The following PACRGL variants were observed in gnomAD, a reference collection of about 807,000 sequenced individuals.
PACRGL encodes the protein parkin coregulated like.
A neutral mutation model predicts 34.5 loss-of-function variants in PACRGL; 38 were observed. That is an observed-to-expected ratio of 1.10 (90% CI 0.85 to 1.44). The LOEUF is 1.44. PACRGL is among the 40% of genes most tolerant of loss of function. PACRGL has a pLI of 0.00. For synonymous variants in PACRGL, 128 were observed against 100.1 expected (o/e 1.28, Z -1.66); for missense variants, 305 against 281.4 (o/e 1.08, Z -0.60).
At position 20,727,315 on chromosome 4, in the gene PACRGL, C is replaced by A. The variant is rs767131973; in HGVS notation, c.721C>A (p.Pro241Thr). 2 of 1,612,956 alleles carry A rather than the reference C, an allele frequency of 1.2e-6. No homozygotes were observed. The highest frequency in any genetic ancestry group is 3.3e-5 in the Admixed American group (2 of 59,948). Residue 241 changes from proline to threonine, a missense_variant, in exon 9 of 9, where the codon CCA (proline) becomes ACA (threonine). Pro to Thr is a conservative substitution (Grantham distance 38). Coordinates refer to ENST00000503585, the MANE Select transcript of PACRGL (RefSeq NM_001258345.3). Reference protein sequence around the residue: ...GSLSIIKSKIPTYCSICC With the variant: ...GSLSIIKSKITTYCSICC The stretch of plus-strand genomic sequence containing the variant: ...CCTTAGCATCATCAAATCTAAAATT[C>A]CAACATACTGCTCCATATGCTGTTG...
chr4:20,746,263 A>G (rs991972361), intron 8 of PACRGL, among the ~76,000 whole-genome samples: 8 of 152,154 alleles, frequency 5.3e-5, no homozygotes, highest in Admixed American at 1.3e-4. Flanking sequence ...TCAGCAAACT[A>G]TCATGAGAAC....
chr4:20,753,458 G>A (rs1753984735), downstream of PACRGL, among the ~76,000 whole-genome samples: 1 of 151,974 alleles, frequency 6.6e-6, no homozygotes, highest in South Asian at 2.1e-4. Context: ...CAATTATATC[G>A]AGAACACAGT....
intron 7 of PACRGL, among the ~76,000 whole-genome samples, chr4:20,716,461 T>G (rs1740053457): frequency 6.6e-6 from 1 of 152,168 alleles, no homozygotes; most frequent in Admixed American, 6.5e-5. Flanking sequence ...AACTCATCAT[T>G]TACATTAGGT....
chr4:20,739,390 G>A (rs568561221), intron 8 of PACRGL, among the ~76,000 whole-genome samples: 2 of 152,312 alleles, frequency 1.3e-5, no homozygotes, highest in African/African-American at 4.8e-5. Flanking sequence ...AGCTTCCAGA[G>A]GAAGGATCAG....
At chr4:20,749,731 G>C (rs1560433019) in intron 8 of PACRGL, 1 of 1,599,980 alleles carries the variant, frequency 6.3e-7, no homozygotes, top group Non-Finnish European at 8.6e-7. Context: ...ATGTTGTAGA[G>C]TCTGAAATGG....
chr4:20,759,185 G>A, the PACRGL span, among the ~76,000 whole-genome samples: 1 of 152,110 alleles, frequency 6.6e-6, no homozygotes, highest in African/African-American at 2.4e-5. Flanking sequence ...AAAGTAAAAG[G>A]AAATTGCATT....
chr4:20,764,347 T>C, the PACRGL span, among the ~76,000 whole-genome samples: 1 of 152,140 alleles, frequency 6.6e-6, no homozygotes, highest in Non-Finnish European at 1.5e-5. Flanking sequence ...TGAACATTTT[T>C]TACATCATGA....
the PACRGL span, among the ~76,000 whole-genome samples, chr4:20,764,053 G>A: frequency 6.6e-6 from 1 of 152,160 alleles, no homozygotes; most frequent in Non-Finnish European, 1.5e-5. Flanking sequence ...GGGATAGTAA[G>A]AAATGCCTCA....
intron 8 of PACRGL, among the ~76,000 whole-genome samples, chr4:20,740,713 C>T (rs1312662826): frequency 6.6e-6 from 1 of 152,160 alleles, no homozygotes; most frequent in Non-Finnish European, 1.5e-5. Context: ...GGATCAAATT[C>T]ACACATAACA....
chr4:20,740,259 C>A (rs1750742356), intron 8 of PACRGL, among the ~76,000 whole-genome samples: 1 of 151,972 alleles, frequency 6.6e-6, no homozygotes, highest in Non-Finnish European at 1.5e-5. Context: ...TCCTTAAGAG[C>A]AATTCCAAGA....
At chr4:20,696,646 A>G (rs1354078016), upstream of PACRGL, 1 of 152,218 alleles carries the variant, frequency 6.6e-6, no homozygotes, top group East Asian at 1.9e-4. Context: ...CCAACATCTA[A>G]TAGTTTGTTG....
chr4:20,713,424 C>G lies in PACRGL; in HGVS notation c.502-8C>G. ...GTCCATACATCCCCCAACTAACCAA[C>G]CTTACAGGTCCATTCGGATGATGAA... On this transcript the variant is annotated splice_region_variant and splice_polypyrimidine_tract_variant and intron_variant, in intron 6 of 8. Transcript: ENST00000503585. The G allele has an allele frequency of 6.2e-7, 1 of 1,610,486 alleles. No homozygotes were observed. Among genetic ancestry groups the G allele is most frequent in the Non-Finnish European group, 8.5e-7 (1 of 1,177,158 alleles).
chr4:20,734,851 G>A (rs142431063), downstream of PACRGL: 1,843 of 538,986 alleles, frequency 3.4e-3, 57 homozygotes, highest in South Asian at 0.037. Context: ...TTAGCAAAAT[G>A]ATTGATGTGT....
chr4:20,741,832 TAAA>T (rs1236581314), intron 8 of PACRGL, among the ~76,000 whole-genome samples: 21 of 151,926 alleles, frequency 1.4e-4, no homozygotes, highest in South Asian at 4.2e-4. Flanking sequence ...GCAAGGCTAA[TAAA>T]GAAGAAAAGA....
At chr4:20,698,366 A>G (rs573711904), upstream of PACRGL, among the ~76,000 whole-genome samples, 1 of 152,340 alleles carries the variant, frequency 6.6e-6, no homozygotes, top group Non-Finnish European at 1.5e-5. Flanking sequence ...ATAGAAGACA[A>G]AAGTCCACAA....
In PACRGL at chr4:20,740,128, C is replaced by T. The variant is rs181990143; in HGVS notation, c.*57-12437C>T. On this transcript the variant is annotated intron_variant, in intron 8 of 8. Coordinates refer to the PACRGL transcript ENST00000507634. The stretch of plus-strand genomic sequence containing the variant: ...GTCTGATTGGTGTACCTGAAAGTGA[C>T]GGGGAGAATTGAACCAAGTTGGAAA... Among the ~76,000 whole-genome samples, 44 of 152,144 alleles carry T rather than the reference C, an allele frequency of 2.9e-4. No individual in the cohort carries two copies. The East Asian group carries it at 7.3e-3, about 25-fold the overall frequency.
the PACRGL span, among the ~76,000 whole-genome samples, chr4:20,763,952 AAAC>A: frequency 1.3e-5 from 2 of 152,202 alleles, no homozygotes; most frequent in Non-Finnish European, 2.9e-5. Context: ...TGCTTCAAGT[AAAC>A]AAGTACAATG....
rs1452461103 is a variant in PACRGL, at chr4:20,700,737, T to TG, written c.-63dup. ...CGCTTGGAGTGTACCCCTCCTTTCC[T>TG]GGGGTAGAGGGTCAGTCGAGAGTAG... On this transcript the variant is annotated 5_prime_UTR_variant, in exon 1 of 9. Coordinates refer to ENST00000503585, the MANE Select transcript of PACRGL (RefSeq NM_001258345.3). 1 of 152,170 alleles carries TG rather than the reference T, an allele frequency of 6.6e-6. No homozygotes were observed. Among genetic ancestry groups the TG allele is most frequent in the East Asian group, 1.9e-4 (1 of 5,172 alleles). 9.4% of individuals were successfully genotyped at this position (152,170 alleles called of 1,614,324 possible).
the PACRGL span, among the ~76,000 whole-genome samples, chr4:20,765,845 C>A: frequency 6.6e-6 from 1 of 152,168 alleles, no homozygotes; most frequent in East Asian, 1.9e-4. Flanking sequence ...TGGGGCCTTA[C>A]TGCTGTGTTC....
Sources: allele counts gnomAD v4.1 joint callset (sites outside exome capture counted in the v4.1 genomes callset), GRCh38; gene constraint gnomAD v4.1.1; transcripts MANE v1.5; gene names NCBI Gene and HGNC (gene_info 2026-07-23, HGNC 2026-07-21).